Variants in ZNG1E observed in about 807,000 individuals in gnomAD.
ZNG1E encodes zinc-regulated GTPase metalloprotein activator 1E.
chr9:65,712,976 T>C, the ZNG1E span, among the ~76,000 whole-genome samples: 11 of 125,012 alleles, frequency 8.8e-5, no homozygotes, highest in Admixed American at 3.4e-4. Flanking sequence ...CCCATTATTA[T>C]TGTGTGGGAG....
the ZNG1E span, among the ~76,000 whole-genome samples, chr9:65,665,684 A>G: frequency 2.7e-5 from 4 of 146,604 alleles, no homozygotes. Flanking sequence ...GAAAAGCCAC[A>G]GACACTCAAT....
At chr9:65,670,844 TTTAA>T in the ZNG1E span, among the ~76,000 whole-genome samples, 3 of 119,928 alleles carry the variant, frequency 2.5e-5, no homozygotes, top group Non-Finnish European at 1.7e-5. Context: ...AACTTTAGAG[TTTAA>T]TTGAGTAAAG....
At chr9:65,662,478 T>G in the ZNG1E span, among the ~76,000 whole-genome samples, 1 of 152,182 alleles carries the variant, frequency 6.6e-6, no homozygotes, top group Non-Finnish European at 1.5e-5. Flanking sequence ...TAGTAAGATA[T>G]TAACATTCAG....
At chr9:65,715,047 G>T in the ZNG1E span, among the ~76,000 whole-genome samples, 2 of 149,284 alleles carry the variant, frequency 1.3e-5, no homozygotes, top group Non-Finnish European at 2.9e-5. Flanking sequence ...AGCAATCAGC[G>T]AGACTCCGTG....
At chr9:65,686,709 ATCT>A in the ZNG1E span, among the ~76,000 whole-genome samples, 1 of 152,270 alleles carries the variant, frequency 6.6e-6, no homozygotes, top group African/African-American at 2.4e-5. Flanking sequence ...TGTTAGCTAC[ATCT>A]TCTAGGTAGT....
the ZNG1E span, among the ~76,000 whole-genome samples, chr9:65,660,567 G>C: frequency 6.6e-6 from 1 of 152,198 alleles, no homozygotes. Context: ...GAGGATACCT[G>C]TAACTTTAAC....
chr9:65,699,981 C>A, the ZNG1E span, among the ~76,000 whole-genome samples: 2 of 151,414 alleles, frequency 1.3e-5, no homozygotes, highest in African/African-American at 2.4e-5. Flanking sequence ...TAGCAAGTAA[C>A]AGAACTTAGT....
At chr9:65,684,738 G>T in the ZNG1E span, among the ~76,000 whole-genome samples, 1,203 of 151,800 alleles carry the variant, frequency 7.9e-3, no homozygotes, top group African/African-American at 0.012. Context: ...AAGGGAGGGG[G>T]TCAAGCAAGC....
the ZNG1E span, chr9:65,693,425 C>T: frequency 7.8e-7 from 1 of 1,284,912 alleles, no homozygotes; most frequent in Middle Eastern, 3.3e-4. Flanking sequence ...GAAATCATCC[C>T]ACCCACTGAC....
At chr9:65,675,518 TA>T in the ZNG1E span, among the ~76,000 whole-genome samples, 3 of 150,072 alleles carry the variant, frequency 2.0e-5, no homozygotes, top group Non-Finnish European at 4.4e-5. Flanking sequence ...CCCTATGAAT[TA>T]AAACTTTTTT....
the ZNG1E span, among the ~76,000 whole-genome samples, chr9:65,724,348 A>G: frequency 6.7e-6 from 1 of 150,294 alleles, no homozygotes. Flanking sequence ...AAAAATCATT[A>G]TAAAAATCTT....
the ZNG1E span, among the ~76,000 whole-genome samples, chr9:65,664,078 A>G: frequency 1.3e-5 from 2 of 152,210 alleles, no homozygotes; most frequent in Admixed American, 6.5e-5. Context: ...CATACTTATG[A>G]ACAAATTGCT....
the ZNG1E span, among the ~76,000 whole-genome samples, chr9:65,658,115 AAC>A: frequency 7.2e-6 from 1 of 138,924 alleles, no homozygotes; most frequent in African/African-American, 2.8e-5. Context: ...AAAAAAAAAA[AAC>A]TTATGTTCCC....
chr9:65,678,853 C>T, the ZNG1E span, among the ~76,000 whole-genome samples: 5 of 138,520 alleles, frequency 3.6e-5, no homozygotes, highest in East Asian at 6.0e-4. Context: ...AGTTGCGTCT[C>T]GTTAATGTTG....
chr9:65,706,955 G>A, the ZNG1E span: 12 of 132,914 alleles, frequency 9.0e-5, no homozygotes, highest in Non-Finnish European at 1.6e-4. Flanking sequence ...AACTTGGAGG[G>A]AAACTTCATT....
chr9:65,662,411 G>C, the ZNG1E span, among the ~76,000 whole-genome samples: 6 of 152,264 alleles, frequency 3.9e-5, no homozygotes, highest in Non-Finnish European at 8.8e-5. Context: ...TAAGGTCTCT[G>C]GTTTTGTGAA....
chr9:65,727,123 T>C, the ZNG1E span, among the ~76,000 whole-genome samples: 1 of 135,680 alleles, frequency 7.4e-6, no homozygotes, highest in African/African-American at 2.9e-5. Flanking sequence ...GCTGAGAATT[T>C]TGTATTCAGC....
At chr9:65,656,782 T>C in the ZNG1E span, among the ~76,000 whole-genome samples, 2 of 152,284 alleles carry the variant, frequency 1.3e-5, no homozygotes, top group African/African-American at 4.8e-5. Flanking sequence ...CCCATTCTAA[T>C]TCCAGACCAC....
the ZNG1E span, among the ~76,000 whole-genome samples, chr9:65,697,476 G>A: frequency 0.18 from 9,815 of 54,778 alleles, 38 homozygotes; most frequent in African/African-American, 0.26. Flanking sequence ...AATGAAAATA[G>A]CCATCTCCCA....
Sources: gnomAD v4.1 joint callset for allele counts (sites outside exome capture counted in the v4.1 genomes callset) on GRCh38, gnomAD v4.1.1 for gene constraint, MANE v1.5 for transcripts, NCBI Gene and HGNC (gene_info 2026-07-23, HGNC 2026-07-21) for gene names.